The following SPSB1 variants were observed in gnomAD, a reference collection of about 807,000 sequenced individuals.
SPSB1 encodes splA/ryanodine receptor domain and SOCS box containing 1, also known as SPRY domain-containing SOCS box protein 1.
SPSB1 carries 8 observed loss-of-function variants against 21.2 expected under a neutral mutation model. That is an observed-to-expected ratio of 0.38 (90% CI 0.22 to 0.68). The LOEUF is 0.68. SPSB1 is among the 30% of genes least tolerant of loss of function. The pLI, the probability that SPSB1 is intolerant of heterozygous loss-of-function variation, is 0.53. For missense variants in SPSB1, 242 were observed against 377.8 expected (o/e 0.64, Z 2.98); for synonymous variants, 169 against 161.7 (o/e 1.05, Z -0.34).
chr1:9,349,983 G>A (rs895926628), intron 1 of SPSB1, among the ~76,000 whole-genome samples: 3 of 151,778 alleles, frequency 2.0e-5, no homozygotes, highest in African/African-American at 7.3e-5. Flanking sequence ...AGGCAGACAC[G>A]ACACACGTGT....
At chr1:9,327,532 C>T (rs1173754299) in intron 1 of SPSB1, among the ~76,000 whole-genome samples, 1 of 151,794 alleles carries the variant, frequency 6.6e-6, no homozygotes, top group African/African-American at 2.4e-5. Flanking sequence ...TAGGGTTGGG[C>T]ACGAGCTGGG....
chr1:9,341,977 C>T (rs968824851), intron 1 of SPSB1, among the ~76,000 whole-genome samples: 2 of 152,230 alleles, frequency 1.3e-5, no homozygotes, highest in African/African-American at 4.8e-5. Flanking sequence ...GCTGGGATTA[C>T]AGGCGTGAGC....
intron 1 of SPSB1, among the ~76,000 whole-genome samples, chr1:9,353,736 T>A (rs897509416): frequency 6.6e-6 from 1 of 151,986 alleles, no homozygotes. Context: ...CTGGACAACA[T>A]GGTGAAACCC....
chr1:9,302,607 G>T (rs889989945), intron 1 of SPSB1, among the ~76,000 whole-genome samples: 2 of 152,166 alleles, frequency 1.3e-5, no homozygotes, highest in Admixed American at 1.3e-4. Context: ...TCTGGGACTC[G>T]TACGAGTGGT....
In SPSB1 at chr1:9,324,624, G is replaced by A. The variant is rs1329896970; in HGVS notation, c.-149-31119G>A. On this transcript the variant is annotated intron_variant, in intron 1 of 2. Coordinates refer to ENST00000328089, the MANE Select transcript of SPSB1 (RefSeq NM_025106.4). This position sits in a 1 kb window ranked among gnomAD's most constrained non-coding sequence, Gnocchi z 4.3. The stretch of plus-strand genomic sequence containing the variant: ...CCCAAACCTGGGTTTCCCTGAGGCT[G>A]AAACTGCCAGTGGCCAGCCTGTCTT... 6.6e-6 allele frequency among the ~76,000 whole-genome samples: 1 copy of A among 152,202 alleles called. No homozygotes were observed. The highest frequency in any genetic ancestry group is 2.4e-5 in the African/African-American group (1 of 41,438).
intron 1 of SPSB1, among the ~76,000 whole-genome samples, chr1:9,307,390 C>T (rs1639438169): frequency 2.6e-5 from 4 of 152,320 alleles, no homozygotes; most frequent in South Asian, 4.1e-4. Context: ...CCACATTCGG[C>T]GTCACCTCCC....
chr1:9,319,357 A>G (rs1326221097), intron 1 of SPSB1, among the ~76,000 whole-genome samples: 2 of 152,240 alleles, frequency 1.3e-5, no homozygotes, highest in Non-Finnish European at 2.9e-5. Flanking sequence ...AAGGCGGGGA[A>G]CACACCCAGC....
chr1:9,353,617 A>T (rs750335608), intron 1 of SPSB1, among the ~76,000 whole-genome samples: 22 of 152,114 alleles, frequency 1.4e-4, no homozygotes, highest in Non-Finnish European at 2.9e-4. Flanking sequence ...CGTGCCCCTG[A>T]GATCAGAACC....
intron 1 of SPSB1, among the ~76,000 whole-genome samples, chr1:9,325,542 G>A (rs1639803893): frequency 6.6e-6 from 1 of 151,948 alleles, no homozygotes; most frequent in South Asian, 2.1e-4. Flanking sequence ...GCATGGTGGT[G>A]TGAGCAGGTG....
intron 2 of SPSB1, among the ~76,000 whole-genome samples, chr1:9,357,189 ATGGATGGATGGG>A (rs954690291): frequency 1.3e-5 from 2 of 149,200 alleles, no homozygotes; most frequent in African/African-American, 5.0e-5. Flanking sequence ...GGATGAGTGG[ATGGATGGATGGG>A]TGGATGGATC....
At chr1:9,338,568 C>T (rs1640041076) in intron 1 of SPSB1, among the ~76,000 whole-genome samples, 1 of 152,268 alleles carries the variant, frequency 6.6e-6, no homozygotes, top group South Asian at 2.1e-4. Flanking sequence ...TTCTTCTTTG[C>T]TGGTGAGTTT....
chr1:9,313,248 A>G (rs1292417572), intron 1 of SPSB1, among the ~76,000 whole-genome samples: 1 of 151,928 alleles, frequency 6.6e-6, no homozygotes, highest in Non-Finnish European at 1.5e-5. Flanking sequence ...AAAATACAAA[A>G]AAGTAGCCAG....
chr1:9,307,228 G>A (rs181771851), intron 1 of SPSB1, among the ~76,000 whole-genome samples: 47 of 152,200 alleles, frequency 3.1e-4, no homozygotes, highest in Admixed American at 2.7e-3. Flanking sequence ...GTGCCTGGCC[G>A]TCTTTTCTCA....
rs538153977 is a variant in SPSB1 at position 9,307,046 on chromosome 1, G to T, written c.-150+13975G>T. ...AGGTTCCAGTGATTCTCCCTCCTTA[G>T]CCTCCTGGGTAGCTGGGATTACAGG... On this transcript the variant is annotated intron_variant, in intron 1 of 2. Transcript: ENST00000328089. Among the ~76,000 whole-genome samples the T allele has an allele frequency of 8.6e-5, 13 of 151,532 alleles. No individual in the cohort carries two copies. The South Asian group carries it at 2.7e-3, about 32-fold the overall frequency.
At position 9,321,053 on chromosome 1, in the gene SPSB1, C is replaced by T. The variant is rs1639715053; in HGVS notation, c.-150+27982C>T. On this transcript the variant is annotated intron_variant, in intron 1 of 2. Transcript: ENST00000328089. The surrounding 1 kb of genome is among the most constrained non-coding windows in gnomAD (Gnocchi z 4.8). The stretch of plus-strand genomic sequence containing the variant: ...GGGGATTCTGGCTGGAAAAGGCAGC[C>T]GTGTAATTACAGGTACTGGAAATAG... 6.6e-6 allele frequency among the ~76,000 whole-genome samples: 1 copy of T among 152,164 alleles called. No individual in the cohort carries two copies. Among genetic ancestry groups the T allele is most frequent in the Non-Finnish European group, 1.5e-5 (1 of 68,036 alleles).
At chr1:9,328,163 C>T (rs973634075) in intron 1 of SPSB1, among the ~76,000 whole-genome samples, 3 of 152,186 alleles carry the variant, frequency 2.0e-5, no homozygotes, top group Non-Finnish European at 4.4e-5. Flanking sequence ...TAGAGCCAGA[C>T]GAACGTGGCT....
chr1:9,299,418 C>T (rs1027458705), intron 1 of SPSB1, among the ~76,000 whole-genome samples: 19 of 152,168 alleles, frequency 1.2e-4, no homozygotes, highest in Non-Finnish European at 2.9e-5. Flanking sequence ...GCAGGAGGAT[C>T]GCTTGAACTT....
chr1:9,349,182 A>T (rs1358952895), intron 1 of SPSB1, among the ~76,000 whole-genome samples: 1 of 152,164 alleles, frequency 6.6e-6, no homozygotes, highest in African/African-American at 2.4e-5. Flanking sequence ...GGGGAAGCCA[A>T]GGTGACTCCA....
Position 9,293,402 on chromosome 1 carries a change from G to A in SPSB1, c.-150+331G>A, listed in dbSNP as rs1189680969. Reference sequence around the variant, plus strand: ...CGCGGGGACCGTCGCAACGAGTTGCGGTCCCGAGGAGGGGCTGGGGCGCTC... The same window carrying A: ...CGCGGGGACCGTCGCAACGAGTTGCAGTCCCGAGGAGGGGCTGGGGCGCTC... On this transcript the variant is annotated intron_variant, in intron 1 of 2. Transcript: ENST00000328089. The surrounding 1 kb of genome is among the most constrained non-coding windows in gnomAD (Gnocchi z 5.1). 6.6e-6 allele frequency among the ~76,000 whole-genome samples: 1 copy of A among 151,510 alleles called. No individual in the cohort carries two copies. The highest frequency in any genetic ancestry group is 1.5e-5 in the Non-Finnish European group (1 of 67,716).
Sources: allele counts gnomAD v4.1 joint callset (sites outside exome capture counted in the v4.1 genomes callset), GRCh38; gene constraint gnomAD v4.1.1; non-coding constraint Gnocchi (gnomAD v3.1); transcripts MANE v1.5; gene names NCBI Gene and HGNC (gene_info 2026-07-23, HGNC 2026-07-21).